The following KIAA1217 variants were observed in gnomAD, a reference collection of about 807,000 sequenced individuals.
KIAA1217 encodes KIAA1217.
Under a neutral mutation model 163.9 loss-of-function variants are expected in KIAA1217, and 88 were observed. That is an observed-to-expected ratio of 0.54 (90% CI 0.45 to 0.64). The LOEUF is 0.64. KIAA1217 is among the 30% of genes least tolerant of loss of function. KIAA1217 has a pLI of 0.00. For synonymous variants in KIAA1217, 903 were observed against 923.1 expected, an observed-to-expected ratio of 0.98 and a Z score of 0.39; for missense variants, 2,372 against 2,475.0, an observed-to-expected ratio of 0.96 and a Z score of 0.88.
At chr10:24,032,421 A>C (rs1340077995) in intron 2 of KIAA1217, among the ~76,000 whole-genome samples, 1 of 152,024 alleles carries the variant, frequency 6.6e-6, no homozygotes, top group Non-Finnish European at 1.5e-5. Flanking sequence ...TAAGTCTTGT[A>C]TTTCTTGTAG....
chr10:24,122,608 C>T (rs1031477853), intron 2 of KIAA1217, among the ~76,000 whole-genome samples: 6 of 152,192 alleles, frequency 3.9e-5, no homozygotes, highest in Admixed American at 3.9e-4. Context: ...GATTTACACA[C>T]ATTGAAACTA....
chr10:23,934,416 G>A (rs905662662), intron 1 of KIAA1217, among the ~76,000 whole-genome samples: 3 of 149,996 alleles, frequency 2.0e-5, no homozygotes, highest in Non-Finnish European at 4.4e-5. Flanking sequence ...TTAGAGAATG[G>A]GCCAATAGGT....
At chr10:24,200,613 G>A (rs370223239) in intron 2 of KIAA1217, among the ~76,000 whole-genome samples, 4 of 152,174 alleles carry the variant, frequency 2.6e-5, no homozygotes, top group Admixed American at 6.5e-5. Context: ...AAAGTCATAG[G>A]TGAACTGGGA....
chr10:24,261,499 CAA>C (rs574514121), intron 2 of KIAA1217, among the ~76,000 whole-genome samples: 10 of 131,930 alleles, frequency 7.6e-5, no homozygotes, highest in Admixed American at 7.8e-5. Flanking sequence ...CTGTCTCAGA[CAA>C]AAAAAAAAAA....
intron 1 of KIAA1217, among the ~76,000 whole-genome samples, chr10:23,966,183 A>G (rs1006553318): frequency 1.3e-5 from 2 of 152,166 alleles, no homozygotes; most frequent in Non-Finnish European, 2.9e-5. Flanking sequence ...TTTTTGAATA[A>G]GAGCCCCACA....
chr10:23,833,209 G>A (rs983546626), intron 1 of KIAA1217, among the ~76,000 whole-genome samples: 2 of 152,012 alleles, frequency 1.3e-5, no homozygotes, highest in African/African-American at 4.8e-5. Context: ...CCATTTAAAG[G>A]ACCTAGCAAA....
intron 5 of KIAA1217, among the ~76,000 whole-genome samples, chr10:24,462,977 G>A (rs2062576055): frequency 6.6e-6 from 1 of 152,182 alleles, no homozygotes; most frequent in African/African-American, 2.4e-5. Context: ...GGTTCGTCCA[G>A]GAAATGGGTG....
At chr10:24,474,624 G>A (rs1016955225) in intron 6 of KIAA1217, among the ~76,000 whole-genome samples, 3 of 152,286 alleles carry the variant, frequency 2.0e-5, no homozygotes, top group Admixed American at 1.3e-4. Flanking sequence ...TATTTATCTA[G>A]GAGTGGTGCT....
chr10:23,942,515 A>T (rs11013807), intron 1 of KIAA1217, among the ~76,000 whole-genome samples: 25,144 of 152,174 alleles, frequency 0.17, 4,625 homozygotes, highest in African/African-American at 0.46. Flanking sequence ...GAGTTAACAA[A>T]CAACTTCAGT....
chr10:24,428,314 G>A (rs920205940), intron 3 of KIAA1217, among the ~76,000 whole-genome samples: 3 of 152,186 alleles, frequency 2.0e-5, no homozygotes, highest in South Asian at 2.1e-4. Flanking sequence ...AAGACATTGC[G>A]TGATCTGTGA....
At chr10:24,015,378 C>G (rs1264665502) in intron 2 of KIAA1217, among the ~76,000 whole-genome samples, 2 of 152,108 alleles carry the variant, frequency 1.3e-5, no homozygotes, top group Non-Finnish European at 2.9e-5. Flanking sequence ...TAAATAGTTT[C>G]TTCCATGTTG....
intron 1 of KIAA1217, among the ~76,000 whole-genome samples, chr10:23,801,380 A>G (rs1276707734): frequency 6.6e-6 from 1 of 152,186 alleles, no homozygotes; most frequent in Non-Finnish European, 1.5e-5. Context: ...AATGTAGATG[A>G]TGGGATGATG....
intron 1 of KIAA1217, among the ~76,000 whole-genome samples, chr10:23,742,468 G>A (rs12782051): frequency 0.21 from 31,214 of 152,126 alleles, 3,383 homozygotes; most frequent in Middle Eastern, 0.25. Context: ...AAAGTATGGT[G>A]CTTGCATCCG....
intron 1 of KIAA1217, among the ~76,000 whole-genome samples, chr10:23,811,111 A>C (rs1391264866): frequency 1.5e-5 from 2 of 137,838 alleles, no homozygotes; most frequent in East Asian, 4.1e-4. Flanking sequence ...TATATATTAT[A>C]TACACACTAT....
intron 3 of KIAA1217, among the ~76,000 whole-genome samples, chr10:24,381,923 C>A (rs906458373): frequency 1.3e-5 from 2 of 152,086 alleles, no homozygotes; most frequent in East Asian, 3.9e-4. Flanking sequence ...GTTCCCACTA[C>A]CACGTGAAAG....
chr10:24,262,691 G>T (rs893686247), intron 2 of KIAA1217, among the ~76,000 whole-genome samples: 3 of 151,584 alleles, frequency 2.0e-5, no homozygotes, highest in East Asian at 3.9e-4. Flanking sequence ...TAGGTAAATT[G>T]GGAGTTCCAT....
At chr10:24,406,512 A>T (rs958242724) in intron 3 of KIAA1217, among the ~76,000 whole-genome samples, 2 of 152,148 alleles carry the variant, frequency 1.3e-5, no homozygotes, top group African/African-American at 4.8e-5. Context: ...AAAATAAAAG[A>T]AACCTGAACA....
At chr10:23,912,155 T>C (rs370978075) in intron 1 of KIAA1217, among the ~76,000 whole-genome samples, 39 of 152,250 alleles carry the variant, frequency 2.6e-4, no homozygotes, top group East Asian at 1.5e-3. Context: ...AAGTAAAACA[T>C]TGACCTAAAC....
chr10:24,125,304 C>T (rs1433847148), intron 2 of KIAA1217, among the ~76,000 whole-genome samples: 1 of 145,794 alleles, frequency 6.9e-6, no homozygotes, highest in East Asian at 2.0e-4. Flanking sequence ...AAAGATTTGT[C>T]TGAAAGAATC....
Sources: allele counts gnomAD v4.1 joint callset (sites outside exome capture counted in the v4.1 genomes callset), GRCh38; gene constraint gnomAD v4.1.1; transcripts MANE v1.5; gene names NCBI Gene and HGNC (gene_info 2026-07-23, HGNC 2026-07-21).